Variants in UGT3A1 observed in about 807,000 individuals in gnomAD.
UGT3A1 encodes UDP glycosyltransferase family 3 member A1, also known as UDP-glycosyltransferase 3A1.
In UGT3A1, 40 loss-of-function variants were observed where a neutral mutation model predicts 37.6. The observed-to-expected ratio is 1.06, with a 90% CI of 0.83 to 1.38. The LOEUF is 1.38. Among genes scored for constraint, UGT3A1 ranks in the 40% most tolerant of loss-of-function variants. The pLI is 0.00. For synonymous variants in UGT3A1, 256 were observed against 232.3 expected (o/e 1.10, Z -0.93); for missense variants, 642 against 634.2 (o/e 1.01, Z -0.13).
At chr5:35,971,218 C>A (rs1367096347) in intron 2 of UGT3A1, among the ~76,000 whole-genome samples, 1 of 152,116 alleles carries the variant, frequency 6.6e-6, no homozygotes. Flanking sequence ...CAAGCACAAT[C>A]ATTCAAGACA....
At chr5:35,978,810 G>A (rs533040723) in intron 2 of UGT3A1, among the ~76,000 whole-genome samples, 34 of 152,228 alleles carry the variant, frequency 2.2e-4, no homozygotes, top group African/African-American at 7.7e-4. Context: ...TGTCTCATCC[G>A]AGACAAGGCA....
chr5:35,981,509 G>A (rs561018208), intron 2 of UGT3A1, among the ~76,000 whole-genome samples: 25 of 152,338 alleles, frequency 1.6e-4, no homozygotes, highest in African/African-American at 6.0e-4. Flanking sequence ...TTGCTCTAGA[G>A]ATCTGTGAAA....
At chr5:35,955,924 T>A (rs768621) in intron 5 of UGT3A1, 60 bp from the exon 6 acceptor site, 53 of 1,558,390 alleles carry the variant, frequency 3.4e-5, no homozygotes, top group Non-Finnish European at 4.3e-5. Context: ...GAATACCAGG[T>A]AAAGCAGAAA....
At position 35,952,074 on chromosome 5, in the gene UGT3A1, G is replaced by C. The variant is rs1239453219; in HGVS notation, c.*2128C>G. On this transcript the variant is annotated 3_prime_UTR_variant, in exon 7 of 7. Transcript: ENST00000274278. ...GAAAAATGCTTCAAAAGAGAATGCA[G>C]TGAGCTCCATTTCAGGTGTAGTGGT... 6.6e-6 allele frequency: 1 copy of C among 152,176 alleles called. No individual in the cohort carries two copies. Among genetic ancestry groups the C allele is most frequent in the African/African-American group, 2.4e-5 (1 of 41,440 alleles). The allele number at this position is 152,176 out of a possible 1,614,324, so 9.4% of individuals were successfully genotyped here.
chr5:35,961,004 G>A (rs1739559451), intron 4 of UGT3A1: 1 of 152,380 alleles, frequency 6.6e-6, no homozygotes, highest in South Asian at 2.1e-4. Flanking sequence ...TGAGGTCTCA[G>A]ATTTATATGA....
chr5:35,961,433 G>A (rs1433381245), intron 4 of UGT3A1: 4 of 152,328 alleles, frequency 2.6e-5, no homozygotes, highest in Non-Finnish European at 5.9e-5. Flanking sequence ...GGTTAAACAA[G>A]TGTATTATAC....
upstream of UGT3A1, among the ~76,000 whole-genome samples, chr5:35,995,936 C>T (rs1319274787): frequency 2.0e-5 from 3 of 151,640 alleles, no homozygotes. Flanking sequence ...GATTTAGCCA[C>T]CCTTGTAAAA....
At chr5:35,985,198 A>G (rs1024090332) in intron 2 of UGT3A1, among the ~76,000 whole-genome samples, 1 of 151,920 alleles carries the variant, frequency 6.6e-6, no homozygotes, top group Non-Finnish European at 1.5e-5. Flanking sequence ...CTCCACTGAA[A>G]GAAACTGAAG....
intron 6 of UGT3A1, chr5:35,955,412 A>G (rs1739312149): frequency 4.9e-6 from 3 of 607,128 alleles, no homozygotes; most frequent in East Asian, 5.5e-5. Flanking sequence ...GATCATGTGT[A>G]TATAATTTGT....
At chr5:35,996,022 C>CAA (rs111488776), upstream of UGT3A1, among the ~76,000 whole-genome samples, 25,504 of 110,874 alleles carry the variant, frequency 0.23, 2,348 homozygotes, top group South Asian at 0.26. Context: ...TGCGCTATGA[C>CAA]AAAAAAAAAA....
intron 6 of UGT3A1, chr5:35,954,726 G>A (rs948983115): frequency 3.7e-6 from 2 of 537,808 alleles, no homozygotes; most frequent in Admixed American, 6.3e-5. Flanking sequence ...GTAGGAAAGT[G>A]ATTAAATCTC....
intron 4 of UGT3A1, chr5:35,962,125 A>T (rs1580923244): frequency 1.3e-5 from 2 of 152,342 alleles, no homozygotes; most frequent in South Asian, 4.2e-4. Context: ...AACAAAGCTC[A>T]TCCCCAAATC....
In UGT3A1 at chr5:35,988,383, TA is replaced by T. The variant is rs1316512768; in HGVS notation, c.196+66del. The T allele has an allele frequency of 9.1e-6, 11 of 1,214,160 alleles. No homozygotes were observed. The African/African-American group carries it at 1.2e-4, about 14-fold the overall frequency. The allele number at this position is 1,214,160 out of a possible 1,614,324, so 75.2% of individuals were successfully genotyped here. A position where few individuals can be genotyped will look rare whatever the true frequency, so the allele number is the denominator to read the frequency against. ...AAGAAGTTTTTACTATGCAGCTGTA[TA>T]AAAAATATATTATCACTTTTTGCTT... is the stretch of plus-strand genomic sequence containing the variant. On this transcript the variant is annotated intron_variant, in intron 2 of 6. Coordinates refer to ENST00000274278, the MANE Select transcript of UGT3A1 (RefSeq NM_152404.4).
At chr5:35,989,706 G>T (rs1254161676) in intron 1 of UGT3A1, among the ~76,000 whole-genome samples, 1 of 152,200 alleles carries the variant, frequency 6.6e-6, no homozygotes, top group Admixed American at 6.5e-5. Flanking sequence ...TCTGGATTCA[G>T]AAACGACACC....
At chr5:35,973,527 A>G (rs779979039) in intron 2 of UGT3A1, among the ~76,000 whole-genome samples, 14 of 152,246 alleles carry the variant, frequency 9.2e-5, no homozygotes, top group Non-Finnish European at 1.9e-4. Context: ...ACACTAAATA[A>G]AAATATAATA....
chr5:35,988,700 T>G (rs903756547), intron 1 of UGT3A1, 149 bp from the exon 2 acceptor site: 8 of 608,476 alleles, frequency 1.3e-5, no homozygotes, highest in Non-Finnish European at 2.3e-5. Flanking sequence ...AAGCGCTTCC[T>G]GTTCCTCAAT....
In UGT3A1 at chr5:35,955,720, C is replaced by T. The variant is rs770726663; in HGVS notation, c.1220G>A (p.Gly407Asp). The T allele has an allele frequency of 6.2e-7, 1 of 1,614,176 alleles. No individual in the cohort carries two copies. The highest frequency in any genetic ancestry group is 8.5e-7 in the Non-Finnish European group (1 of 1,180,034). ...NMVRVVAKNY[G>D]VSIRLNQVTA... ...GACCTGATTCAACCGGATAGAGACA[C>T]CATAATTTTTGGCTACTACTCGGAC... Residue 407 changes from glycine to aspartate, a missense_variant, in exon 6 of 7, where the codon GGT (glycine) becomes GAT (aspartate). Physicochemically the swap from Gly to Asp is moderately conservative, Grantham distance 94. Coordinates refer to ENST00000274278, the MANE Select transcript of UGT3A1 (RefSeq NM_152404.4).
intron 2 of UGT3A1, among the ~76,000 whole-genome samples, chr5:35,982,176 C>T (rs1740551177): frequency 6.6e-6 from 1 of 152,242 alleles, no homozygotes; most frequent in Non-Finnish European, 1.5e-5. Flanking sequence ...AGAACCTCTA[C>T]TAGGGCAGTG....
Position 35,990,881 on chromosome 5 carries a change from C to T in UGT3A1, c.94+266G>A, listed in dbSNP as rs1580966984. ...TGGTCCTGGTCTCAAATTTCTGGCC[C>T]CAGTCCTGCGGGACGGGGAGCGCGT... On this transcript the variant is annotated intron_variant, in intron 1 of 6. Transcript: ENST00000274278. 3.1e-6 allele frequency: 4 copies of T among 1,278,584 alleles called. No individual in the cohort carries two copies. The Admixed American group carries it at 9.8e-5, about 31-fold the overall frequency. 79.2% of individuals were successfully genotyped at this position (1,278,584 alleles called of 1,614,324 possible). A position where few individuals can be genotyped will look rare whatever the true frequency, so the allele number is the denominator to read the frequency against.
Sources: allele counts gnomAD v4.1 joint callset (sites outside exome capture counted in the v4.1 genomes callset), GRCh38; gene constraint gnomAD v4.1.1; transcripts MANE v1.5; gene names NCBI Gene and HGNC (gene_info 2026-07-23, HGNC 2026-07-21).